ITPR1: variants seen among roughly 807,000 people sequenced by gnomAD.
The protein encoded by ITPR1 is inositol 1,4,5-trisphosphate-gated calcium channel ITPR1.
A neutral mutation model predicts 318.4 loss-of-function variants in ITPR1; 96 were observed. That is an observed-to-expected ratio of 0.30 (90% CI 0.26 to 0.36). The LOEUF is 0.36. Among genes scored for constraint, ITPR1 ranks in the 10% least tolerant of loss-of-function variants. The probability of loss-of-function intolerance (pLI) is 1.00; values close to 1 mark genes in which losing one functional copy is unlikely to be tolerated. For synonymous variants in ITPR1, 1,312 were observed against 1,289.9 expected, an observed-to-expected ratio of 1.02 and a Z score of -0.37; for missense variants, 2,440 against 3,460.2, an observed-to-expected ratio of 0.71 and a Z score of 7.40.
Position 4,813,229 on chromosome 3 carries a change from G to C in ITPR1, c.7556G>C (p.Arg2519Thr). 6.2e-7 allele frequency: 1 copy of C among 1,607,732 alleles called. No individual in the cohort carries two copies. Among genetic ancestry groups the C allele is most frequent in the Non-Finnish European group, 8.5e-7 (1 of 1,175,124 alleles). The change falls in exon 57 of 62, where the codon AGA (arginine) becomes ACA (threonine). Residue 2519 changes from arginine (R) to threonine (T), a missense_variant. Arg to Thr is a moderately conservative substitution (Grantham distance 71). Around this residue, in one of 23 missense-constraint regions of ITPR1, gnomAD observed 88 missense variants for 90.5 expected, o/e 0.97. Coordinates refer to ENST00000649015, the MANE Select transcript of ITPR1 (RefSeq NM_001378452.1). The part of the protein sequence containing the change: ...SGENCSSPAP[R>T]EELVPAEETE... ...GAGAACTGCTCCTCTCCTGCACCCA[G>C]AGAAGGTAGGACCTCCTAACTGTAA...
rs190869308 is a variant in ITPR1, at chr3:4,729,011, T to G, written c.5220+1838T>G. Among the ~76,000 whole-genome samples, 8 of 152,282 alleles carry G rather than the reference T, an allele frequency of 5.3e-5. No homozygotes were observed. The East Asian group carries it at 1.5e-3, about 29-fold the overall frequency. On this transcript the variant is annotated intron_variant, in intron 42 of 61. Coordinates refer to ENST00000649015, the MANE Select transcript of ITPR1 (RefSeq NM_001378452.1). ...CTTCATGGCCCGAGGCACCTTGCAT[T>G]CTTATATTTTCCATCCTTGCCTGCC...
intron 5 of ITPR1, among the ~76,000 whole-genome samples, chr3:4,637,212 C>T (rs1379368559): frequency 6.6e-6 from 1 of 152,094 alleles, no homozygotes; most frequent in Admixed American, 6.6e-5. Flanking sequence ...GAGTTTTTTC[C>T]CTTTGATATT....
At chr3:4,756,242 T>G (rs1008058282) in intron 44 of ITPR1, among the ~76,000 whole-genome samples, 2 of 152,208 alleles carry the variant, frequency 1.3e-5, no homozygotes, top group South Asian at 4.1e-4. Context: ...TGTATTAAAC[T>G]TTGACAAGCG....
chr3:4,559,749 G>T (rs1282821090), intron 4 of ITPR1, among the ~76,000 whole-genome samples: 1 of 152,192 alleles, frequency 6.6e-6, no homozygotes, highest in East Asian at 1.9e-4. Context: ...CACTGTGGGA[G>T]AATCCATATA....
chr3:4,623,297 C>T (rs7636163), intron 4 of ITPR1, among the ~76,000 whole-genome samples: 2,347 of 152,324 alleles, frequency 0.015, 73 homozygotes, highest in African/African-American at 0.054. Context: ...AGCCCCTTAA[C>T]GCCTGCTTCA....
At chr3:4,681,471 C>A in intron 26 of ITPR1, 53 bp downstream of exon 26, 1 of 1,184,224 alleles carries the variant, frequency 8.4e-7, no homozygotes, top group South Asian at 1.2e-5. Context: ...TTCCAGAGCT[C>A]TCAGAGGCCT....
intron 44 of ITPR1, among the ~76,000 whole-genome samples, chr3:4,763,198 T>C (rs1016959629): frequency 1.3e-5 from 2 of 152,068 alleles, no homozygotes; most frequent in Non-Finnish European, 2.9e-5. Flanking sequence ...CTGGGTCCTG[T>C]TGGGGGAGGC....
At chr3:4,537,355 G>A (rs563146132) in intron 4 of ITPR1, among the ~76,000 whole-genome samples, 10 of 152,270 alleles carry the variant, frequency 6.6e-5, no homozygotes, top group Non-Finnish European at 1.3e-4. Context: ...TGTAAGCTCT[G>A]TTCTTCTAGA....
At chr3:4,689,963 CTAAGG>C (rs1405564026) in intron 31 of ITPR1, among the ~76,000 whole-genome samples, 2 of 152,160 alleles carry the variant, frequency 1.3e-5, no homozygotes, top group Non-Finnish European at 2.9e-5. Flanking sequence ...AAAAAAGTCA[CTAAGG>C]AAAAAGTTGA....
chr3:4,675,432 G>C (rs902457233), intron 23 of ITPR1, among the ~76,000 whole-genome samples, 184 bp downstream of exon 23: 1 of 152,178 alleles, frequency 6.6e-6, no homozygotes, highest in South Asian at 2.1e-4. Context: ...GGAGTCCCAC[G>C]TACCCATGAC....
chr3:4,779,500 G>T lies in ITPR1; in HGVS notation c.6292-50G>T, dbSNP rs1215516319. Reference sequence around the variant, plus strand: ...CAGTTGGCACCTGCATTCAGGCCGGGCCCCCAAGCAGCCCCTCTACATTTC... The same window carrying T: ...CAGTTGGCACCTGCATTCAGGCCGGTCCCCCAAGCAGCCCCTCTACATTTC... On this transcript the variant is annotated intron_variant, in intron 48 of 61. Transcript: ENST00000649015. The surrounding 1 kb of genome is among the most constrained non-coding windows in gnomAD (Gnocchi z 4.0). 2.1e-6 allele frequency: 3 copies of T among 1,413,206 alleles called. No homozygotes were observed. The highest frequency in any genetic ancestry group is 3.0e-6 in the Non-Finnish European group (3 of 999,830). The allele number at this position is 1,413,206 out of a possible 1,614,324, so 87.5% of individuals were successfully genotyped here. A position where few individuals can be genotyped will look rare whatever the true frequency, so the allele number is the denominator to read the frequency against.
intron 20 of ITPR1, among the ~76,000 whole-genome samples, chr3:4,671,357 ATGTGTG>A (rs1262627778): frequency 1.4e-4 from 22 of 152,084 alleles, no homozygotes; most frequent in Admixed American, 4.6e-4. Context: ...GAGACAGAAG[ATGTGTG>A]TGTTTGTATA....
Position 4,768,716 on chromosome 3 carries a change from C to T in ITPR1, c.5931C>T (p.Ile1977=), listed in dbSNP as rs780156889. The change falls in exon 46 of 62, where the codon ATC becomes ATT. Residue 1977 remains isoleucine, a synonymous_variant. Coordinates refer to ENST00000649015, the MANE Select transcript of ITPR1 (RefSeq NM_001378452.1). The stretch of plus-strand genomic sequence containing the variant: ...CGGTCATCACCATCATGCAGCCCAT[C>T]CTCCGCTTCCTTCAGCTCCTGTGTG... ...MSAVITIMQP[I]LRFLQLLCEN... 6.2e-7 allele frequency: 1 copy of T among 1,613,544 alleles called. No homozygotes were observed. Among genetic ancestry groups the T allele is most frequent in the Non-Finnish European group, 8.5e-7 (1 of 1,179,806 alleles).
intron 4 of ITPR1, among the ~76,000 whole-genome samples, chr3:4,531,030 G>C (rs770370952): frequency 6.6e-6 from 1 of 152,072 alleles, no homozygotes; most frequent in Non-Finnish European, 1.5e-5. Flanking sequence ...GCATGCTTTT[G>C]TTCTTGACCG....
intron 4 of ITPR1, among the ~76,000 whole-genome samples, chr3:4,588,944 G>C (rs1231227713): frequency 7.2e-5 from 11 of 152,120 alleles, no homozygotes; most frequent in Admixed American, 7.2e-4. Flanking sequence ...TCACCACCTA[G>C]TCTACAGCCC....
intron 4 of ITPR1, among the ~76,000 whole-genome samples, chr3:4,600,547 G>T (rs1270907938): frequency 1.3e-5 from 2 of 151,936 alleles, no homozygotes; most frequent in African/African-American, 2.4e-5. Flanking sequence ...AATTTAAATA[G>T]CTTTAATTTT....
intron 4 of ITPR1, among the ~76,000 whole-genome samples, chr3:4,568,999 C>A (rs931634509): frequency 6.6e-6 from 1 of 151,998 alleles, no homozygotes; most frequent in African/African-American, 2.4e-5. Flanking sequence ...GGGGAGGGGT[C>A]ACACGCTCTT....
At position 4,580,186 on chromosome 3, in the gene ITPR1, G is replaced by A. The variant is rs139796946; in HGVS notation, c.164-47577G>A. On this transcript the variant is annotated intron_variant, in intron 4 of 61. Transcript: ENST00000649015. ...GATCATGCCACTCCACTCCATCCTG[G>A]GCAACAGAGCCAGACTCCGTCTCAA... 1.0e-3 allele frequency among the ~76,000 whole-genome samples: 154 copies of A among 152,126 alleles called. No homozygotes were observed. The East Asian group carries it at 0.027, about 26-fold the overall frequency.
intron 4 of ITPR1, among the ~76,000 whole-genome samples, chr3:4,531,110 G>A (rs1559394516): frequency 6.6e-6 from 1 of 152,046 alleles, no homozygotes; most frequent in Non-Finnish European, 1.5e-5. Flanking sequence ...ACCCACAGAG[G>A]GTTAGCAATC....
Sources: allele counts gnomAD v4.1 joint callset (sites outside exome capture counted in the v4.1 genomes callset), GRCh38; gene constraint gnomAD v4.1.1; regional missense constraint gnomAD v4.1.1; non-coding constraint Gnocchi (gnomAD v3.1); transcripts MANE v1.5; gene names NCBI Gene and HGNC (gene_info 2026-07-23, HGNC 2026-07-21).